PGR: variants seen among roughly 807,000 people sequenced by gnomAD.
PGR encodes nuclear receptor subfamily 3 group C member 3.
PGR carries 25 observed loss-of-function variants against 76.1 expected under a neutral mutation model. The ratio of observed to expected loss-of-function variants is 0.33; its 90% CI spans 0.24 to 0.46. PGR has a LOEUF of 0.46. Among genes scored for constraint, PGR ranks in the 20% least tolerant of loss-of-function variants. The pLI is 1.00. For missense variants in PGR, 1,172 were observed against 1,225.3 expected (o/e 0.96, Z 0.65); for synonymous variants, 579 against 535.0 (o/e 1.08, Z -1.14).
intron 3 of PGR, among the ~76,000 whole-genome samples, chr11:101,080,761 G>T (rs1861278330): frequency 6.6e-6 from 1 of 151,942 alleles, no homozygotes; most frequent in Non-Finnish European, 1.5e-5. Flanking sequence ...AATTAAGAAA[G>T]ACATGAACAT....
In PGR at chr11:101,039,157, A is replaced by G. The variant is rs1472757318; in HGVS notation, c.2761T>C (p.Leu921=). The G allele has an allele frequency of 1.9e-6, 3 of 1,612,136 alleles. No homozygotes were observed. The highest frequency in any genetic ancestry group is 2.2e-5 in the East Asian group (1 of 44,768). The change falls in exon 8 of 8, where the codon TTG becomes CTG. Residue 921 remains leucine (L), a synonymous_variant. Coordinates refer to ENST00000325455, the MANE Select transcript of PGR (RefSeq NM_000926.4). The part of the protein sequence containing the change: ...EVIAAQLPKI[L]AGMVKPLLFH... ...AGAAGGGGTTTCACCATCCCTGCCA[A>G]TATCTTGGGTAATTGTGCAGCAATA...
intron 3 of PGR, among the ~76,000 whole-genome samples, chr11:101,068,056 T>G (rs1218678192): frequency 6.6e-6 from 1 of 152,194 alleles, no homozygotes; most frequent in Non-Finnish European, 1.5e-5. Flanking sequence ...GTGATAATAT[T>G]CATATTTTCT....
chr11:101,075,859 C>T (rs574427035), intron 3 of PGR, among the ~76,000 whole-genome samples: 3 of 152,234 alleles, frequency 2.0e-5, no homozygotes, highest in South Asian at 2.1e-4. Flanking sequence ...AAAGCTTTTA[C>T]GCTGTTGGTG....
Position 101,127,414 on chromosome 11 carries a change from G to A in PGR, c.1637+20C>T. ...CGCTACTCCCGGACGCGCTGGGCGT[G>A]CCCCGTCCCGGGCCCTCACCTCAGG... is the stretch of plus-strand genomic sequence containing the variant. On this transcript the variant is annotated intron_variant, in intron 1 of 7. Transcript: ENST00000325455. 6.6e-7 allele frequency: 1 copy of A among 1,519,586 alleles called. No homozygotes were observed. The allele number at this position is 1,519,586 out of a possible 1,614,324, so 94.1% of individuals were successfully genotyped here.
At chr11:101,051,367 C>CA (rs1860084018) in intron 5 of PGR, 57 bp downstream of exon 5, 1 of 1,191,930 alleles carries the variant, frequency 8.4e-7, no homozygotes, top group Non-Finnish European at 1.3e-6. Context: ...ATATAACTTT[C>CA]AAAATTATCC....
At chr11:101,078,976 C>T (rs991476864) in intron 3 of PGR, among the ~76,000 whole-genome samples, 9 of 151,980 alleles carry the variant, frequency 5.9e-5, no homozygotes, top group Non-Finnish European at 1.3e-4. Flanking sequence ...GAAATAAAGC[C>T]ATGCATTAAC....
intron 2 of PGR, among the ~76,000 whole-genome samples, chr11:101,113,173 C>T (rs934886965): frequency 1.3e-5 from 2 of 152,140 alleles, no homozygotes; most frequent in Non-Finnish European, 2.9e-5. Flanking sequence ...TACAAAACAA[C>T]AGTGTCTTTC....
At chr11:101,108,692 A>G (rs1862253428) in intron 2 of PGR, among the ~76,000 whole-genome samples, 1 of 152,208 alleles carries the variant, frequency 6.6e-6, no homozygotes, top group Admixed American at 6.5e-5. Context: ...AGGTATCTTT[A>G]GGAAAGTTAA....
chr11:101,128,583 G>A lies in PGR; in HGVS notation c.488C>T (p.Pro163Leu), dbSNP rs1359610837. The change falls in exon 1 of 8, where the codon CCG (proline) becomes CTG (leucine). Residue 163 changes from proline to leucine, a missense_variant. Around this residue, in one of 4 missense-constraint regions of PGR, gnomAD observed 893 missense variants for 785.9 expected, o/e 1.14. Coordinates refer to ENST00000325455, the MANE Select transcript of PGR (RefSeq NM_000926.4). ...CTTGCACCCGGACCGGCTCATGAGC[G>A]GGGACAACACCCGCTGGGTGGCGGG... ...AAPATQRVLS[P>L]LMSRSGCKVG... The A allele has an allele frequency of 6.3e-7, 1 of 1,595,654 alleles. No homozygotes were observed.
At chr11:101,080,252 G>T (rs1187380060) in intron 3 of PGR, among the ~76,000 whole-genome samples, 1 of 152,002 alleles carries the variant, frequency 6.6e-6, no homozygotes, top group East Asian at 1.9e-4. Context: ...AGCCACATTG[G>T]TCACAGCCAG....
chr11:101,040,011 G>A (rs1859644506), intron 7 of PGR, among the ~76,000 whole-genome samples: 1 of 152,026 alleles, frequency 6.6e-6, no homozygotes, highest in Non-Finnish European at 1.5e-5. Context: ...TCTCCCCAGA[G>A]AGAGCTTTTG....
At chr11:101,040,732 C>A (rs1413218913) in intron 7 of PGR, among the ~76,000 whole-genome samples, 1 of 151,922 alleles carries the variant, frequency 6.6e-6, no homozygotes, top group Non-Finnish European at 1.5e-5. Flanking sequence ...TACCTTAGTT[C>A]AATTGTGCAG....
chr11:101,046,028 C>T (rs773432560), intron 6 of PGR, among the ~76,000 whole-genome samples: 4 of 152,042 alleles, frequency 2.6e-5, no homozygotes, highest in Non-Finnish European at 5.9e-5. Context: ...ATATTTCCCT[C>T]AGCTGTAAAC....
chr11:101,042,763 G>C (rs1859736070), intron 6 of PGR, among the ~76,000 whole-genome samples: 1 of 152,156 alleles, frequency 6.6e-6, no homozygotes, highest in Non-Finnish European at 1.5e-5. Context: ...GCAACAAAGT[G>C]AATCACATGC....
At position 101,042,115 on chromosome 11, in the gene PGR, C is replaced by A. The variant is rs1413353667; in HGVS notation, c.2489-13G>T. 1.2e-6 allele frequency: 2 copies of A among 1,612,418 alleles called. No individual in the cohort carries two copies. Among genetic ancestry groups the A allele is most frequent in the Admixed American group, 3.3e-5 (2 of 59,878 alleles). ...CCTTCCAAAGGAACTGTTAAGAAGA[C>A]AATTAAAAGTGGCAGTTGTGTATAA... On this transcript the variant is annotated splice_polypyrimidine_tract_variant and intron_variant, in intron 6 of 7. Transcript: ENST00000325455.
At chr11:101,106,413 A>T (rs551103351) in intron 2 of PGR, among the ~76,000 whole-genome samples, 2 of 152,358 alleles carry the variant, frequency 1.3e-5, no homozygotes, top group South Asian at 4.1e-4. Flanking sequence ...AAAGGATATG[A>T]GCAGACACTT....
intron 3 of PGR, among the ~76,000 whole-genome samples, chr11:101,075,757 A>G (rs1450424497): frequency 6.6e-6 from 1 of 152,212 alleles, no homozygotes; most frequent in East Asian, 1.9e-4. Flanking sequence ...GCAAATCAAT[A>G]CCACAATGAG....
rs1859298481 is a variant in PGR at position 101,029,951 on chromosome 11, G to C, written c.*9165C>G. 1.3e-5 allele frequency: 3 copies of C among 225,442 alleles called. No individual in the cohort carries two copies. The highest frequency in any genetic ancestry group is 2.6e-5 in the Non-Finnish European group (3 of 113,228). 14.0% of individuals were successfully genotyped at this position (225,442 alleles called of 1,614,324 possible). A position where few individuals can be genotyped will look rare whatever the true frequency, so the allele number is the denominator to read the frequency against. ...CATCACTGCCAGGGACCCAGCCCCA[G>C]GCATACACAGATGAAAGGACAGTTT... On this transcript the variant is annotated 3_prime_UTR_variant, in exon 8 of 8. Transcript: ENST00000325455.
At chr11:101,097,270 A>G (rs1861863218) in intron 2 of PGR, among the ~76,000 whole-genome samples, 2 of 152,174 alleles carry the variant, frequency 1.3e-5, no homozygotes, top group South Asian at 2.1e-4. Context: ...TCATGCCTCT[A>G]TGACTTTCCT....
Sources: allele counts gnomAD v4.1 joint callset (sites outside exome capture counted in the v4.1 genomes callset), GRCh38; gene constraint gnomAD v4.1.1; regional missense constraint gnomAD v4.1.1; transcripts MANE v1.5; gene names NCBI Gene and HGNC (gene_info 2026-07-23, HGNC 2026-07-21).